The following RPP14 variants were observed in gnomAD, a reference collection of about 807,000 sequenced individuals.
RPP14 encodes ribonuclease P protein subunit p14.
In RPP14, 19 loss-of-function variants were observed where a neutral mutation model predicts 17.8. The observed-to-expected ratio is 1.07, with a 90% confidence interval of 0.74 to 1.57. RPP14 has a LOEUF of 1.57. Ranked by LOEUF, RPP14 falls within the 40% of genes most tolerant of loss-of-function variation. RPP14 has a pLI of 0.00. For synonymous variants in RPP14, 60 were observed against 56.4 expected (o/e 1.06, Z -0.29); for missense variants, 125 against 140.8 (o/e 0.89, Z 0.57).
At chr3:58,312,249 A>T (rs2097483033) in intron 3 of RPP14, among the ~76,000 whole-genome samples, 1 of 147,676 alleles carries the variant, frequency 6.8e-6, no homozygotes, top group African/African-American at 2.5e-5. Context: ...CCTAGAGATT[A>T]TTTTATTTTA....
chr3:58,307,724 G>A (rs1465484583), intron 1 of RPP14: 2 of 152,204 alleles, frequency 1.3e-5, no homozygotes, highest in Non-Finnish European at 2.9e-5. Context: ...TAAAGATGAC[G>A]ATGACAGTAA....
chr3:58,313,100 A>G (rs1279886492), intron 3 of RPP14, among the ~76,000 whole-genome samples: 1 of 152,004 alleles, frequency 6.6e-6, no homozygotes, highest in Non-Finnish European at 1.5e-5. Context: ...TGTCTCTACT[A>G]AAAACACAAA....
At chr3:58,312,214 C>G (rs960687397) in intron 3 of RPP14, among the ~76,000 whole-genome samples, 1 of 152,126 alleles carries the variant, frequency 6.6e-6, no homozygotes, top group Non-Finnish European at 1.5e-5. Context: ...CATTTACATT[C>G]CTCCCAGTAG....
intron 5 of RPP14, 104 bp from the exon 6 acceptor site, chr3:58,317,336 C>A: frequency 1.4e-6 from 1 of 740,142 alleles, no homozygotes; most frequent in Non-Finnish European, 2.3e-6. Flanking sequence ...TAAAATGCTC[C>A]TGCATCAGCT....
intron 3 of RPP14, among the ~76,000 whole-genome samples, chr3:58,314,675 A>ATTTTGTTTTT (rs2097486321): frequency 1.1e-5 from 1 of 90,560 alleles, no homozygotes; most frequent in Admixed American, 1.7e-4. Flanking sequence ...GTTTGGCAGT[A>ATTTTGTTTTT]TTTTTTTTTT....
chr3:58,312,497 G>A (rs576487252), intron 3 of RPP14, among the ~76,000 whole-genome samples: 8 of 152,104 alleles, frequency 5.3e-5, no homozygotes, highest in South Asian at 4.1e-4. Context: ...CAGAAGTGAT[G>A]AATTTTGTTG....
At chr3:58,312,334 A>C (rs865922441) in intron 3 of RPP14, among the ~76,000 whole-genome samples, 1,586 of 69,138 alleles carry the variant, frequency 0.023, 2 homozygotes, top group East Asian at 0.037. Flanking sequence ...CAACCTCCGC[A>C]CCCCCCCCCG....
At position 58,311,775 on chromosome 3, in the gene RPP14, A is replaced by C. The variant is rs1433486119; in HGVS notation, c.162+1184A>C. ...GATGACAGCATGAGCCACTATGCCC[A>C]GCTGCACATGTCTTTTTGAATTGAT... On this transcript the variant is annotated intron_variant, in intron 3 of 5. Coordinates refer to ENST00000295959, the MANE Select transcript of RPP14 (RefSeq NM_007042.6). 4.6e-5 allele frequency among the ~76,000 whole-genome samples: 7 copies of C among 151,412 alleles called. No individual in the cohort carries two copies. In the East Asian group the frequency reaches 1.4e-3, roughly 29 times the overall value.
intron 5 of RPP14, among the ~76,000 whole-genome samples, 184 bp from the exon 6 acceptor site, chr3:58,317,256 G>T (rs2107510081): frequency 6.6e-6 from 1 of 152,290 alleles, no homozygotes; most frequent in South Asian, 2.1e-4. Context: ...TGCCTTGTGT[G>T]TTATATATTG....
At chr3:58,312,674 T>A (rs1401763091) in intron 3 of RPP14, among the ~76,000 whole-genome samples, 1 of 151,996 alleles carries the variant, frequency 6.6e-6, no homozygotes, top group Non-Finnish European at 1.5e-5. Context: ...GAAAGTCTCC[T>A]TATGGGCCAG....
intron 3 of RPP14, among the ~76,000 whole-genome samples, chr3:58,312,960 CAAAAAAAAA>C (rs35853424): frequency 8.9e-5 from 7 of 79,040 alleles, no homozygotes; most frequent in African/African-American, 3.1e-4. Context: ...GACTCTGTCT[CAAAAAAAAA>C]AAAAAAAAAA....
chr3:58,318,205 G>A lies in RPP14; in HGVS notation c.*709G>A. ...GAATTGCTGCTCTTTACCAAAGAATGGTTGATAGGCCCAGAAGCCCATCTT... is the reference window on the plus strand; with the variant it reads ...GAATTGCTGCTCTTTACCAAAGAATAGTTGATAGGCCCAGAAGCCCATCTT... On this transcript the variant is annotated 3_prime_UTR_variant, in exon 6 of 6. Coordinates refer to ENST00000295959, the MANE Select transcript of RPP14 (RefSeq NM_007042.6). 1.7e-6 allele frequency: 1 copy of A among 598,100 alleles called. No homozygotes were observed. The highest frequency in any genetic ancestry group is 2.8e-5 in the East Asian group (1 of 36,266). 37.0% of individuals were successfully genotyped at this position (598,100 alleles called of 1,614,324 possible).
chr3:58,311,400 G>A (rs558491979), intron 3 of RPP14, among the ~76,000 whole-genome samples: 31 of 152,124 alleles, frequency 2.0e-4, no homozygotes, highest in Non-Finnish European at 3.2e-4. Context: ...GGTGATCCAC[G>A]CGCCTTGGGC....
intron 1 of RPP14, among the ~76,000 whole-genome samples, chr3:58,308,744 A>G (rs1021851557): frequency 6.6e-6 from 1 of 152,220 alleles, no homozygotes; most frequent in Admixed American, 6.5e-5. Flanking sequence ...ATTGGGCCTC[A>G]GTTTCCTGTT....
chr3:58,317,945 A>G lies in RPP14; in HGVS notation c.*449A>G, dbSNP rs1453274174. 5.7e-6 allele frequency: 4 copies of G among 702,770 alleles called. No individual in the cohort carries two copies. The African/African-American group carries it at 7.0e-5, about 12-fold the overall frequency. The allele number at this position is 702,770 out of a possible 1,614,324, so 43.5% of individuals were successfully genotyped here. ...CCAGGCTGTGTATTTCTTTCCCAGG[A>G]AATTAGCTTTCCAGCCCCTTTATAT... On this transcript the variant is annotated 3_prime_UTR_variant, in exon 6 of 6. Transcript: ENST00000295959.
chr3:58,316,639 G>T, intron 4 of RPP14, 48 bp downstream of exon 4: 1 of 1,495,392 alleles, frequency 6.7e-7, no homozygotes, highest in South Asian at 1.1e-5. Context: ...CAGAGAGACC[G>T]ATGGAGCAAA....
intron 3 of RPP14, among the ~76,000 whole-genome samples, chr3:58,314,537 C>T (rs1298567903): frequency 2.0e-5 from 3 of 151,944 alleles, no homozygotes; most frequent in Non-Finnish European, 4.4e-5. Context: ...AATGAGATAC[C>T]ACTGTGTACC....
At position 58,307,000 on chromosome 3, in the gene RPP14, T is replaced by G. The variant is rs138575294; in HGVS notation, c.-22+583T>G. Reference sequence around the variant, plus strand: ...GCACTGGGCCAACCCGATTGAGATTTGAGCTAAGCCAGGAAGGGGGCAAGG... The same window carrying G: ...GCACTGGGCCAACCCGATTGAGATTGGAGCTAAGCCAGGAAGGGGGCAAGG... On this transcript the variant is annotated intron_variant, in intron 1 of 5. Transcript: ENST00000295959. Among the ~76,000 whole-genome samples, 34 of 152,140 alleles carry G rather than the reference T, an allele frequency of 2.2e-4. 1 individual carries two copies. Among genetic ancestry groups the G allele is most frequent in the African/African-American group, 8.2e-4 (34 of 41,508 alleles).
intron 3 of RPP14, among the ~76,000 whole-genome samples, chr3:58,310,879 G>A (rs898910245): frequency 1.1e-4 from 17 of 148,876 alleles, no homozygotes; most frequent in Admixed American, 8.1e-4. Flanking sequence ...GCAGTGAGCC[G>A]AGATAACGCC....
Sources: allele counts gnomAD v4.1 joint callset (sites outside exome capture counted in the v4.1 genomes callset), GRCh38; gene constraint gnomAD v4.1.1; transcripts MANE v1.5; gene names NCBI Gene and HGNC (gene_info 2026-07-23, HGNC 2026-07-21).